The following CKAP5 variants were observed in gnomAD, a reference collection of about 807,000 sequenced individuals.
The protein encoded by CKAP5 is cytoskeleton associated protein 5, also known as cytoskeleton-associated protein 5.
A neutral mutation model predicts 232.8 loss-of-function variants in CKAP5; 27 were observed. The observed-to-expected ratio is 0.12, with a 90% CI of 0.09 to 0.16. The LOEUF is 0.16. Among genes scored for constraint, CKAP5 ranks in the 10% least tolerant of loss-of-function variants. The pLI, the probability that CKAP5 is intolerant of heterozygous loss-of-function variation, is 1.00. For synonymous variants in CKAP5, 785 were observed against 841.1 expected (o/e 0.93, Z 1.16); for missense variants, 1,838 against 2,424.7 (o/e 0.76, Z 5.08).
At chr11:46,767,508 A>T (rs2065212201) in intron 27 of CKAP5, 67 bp downstream of exon 27, 4 of 959,098 alleles carry the variant, frequency 4.2e-6, no homozygotes, top group Non-Finnish European at 6.5e-6. Context: ...CCTTCCTAAT[A>T]GAATGACTCA....
rs765592144 is a variant in CKAP5, at chr11:46,760,764, G to A, written c.4242C>T (p.Ser1414=). 3 of 1,613,792 alleles carry A rather than the reference G, an allele frequency of 1.9e-6. No individual in the cohort carries two copies. In the Admixed American group the frequency reaches 5.0e-5, roughly 27 times the overall value. The part of the protein sequence containing the change: ...LIGNLSEKDM[S]MLEERIKRSA... ...ACCGCTTAATCCTCTCCTCGAGCAT[G>A]CTCATATCCTTTTCAGAAAGCTGTA... Residue 1414 remains serine, a synonymous_variant, in exon 33 of 44, where the codon AGC becomes AGT. Coordinates refer to ENST00000529230, the MANE Select transcript of CKAP5 (RefSeq NM_001008938.4).
rs970099392 is a variant in CKAP5 at position 46,743,927 on chromosome 11, G to A, written c.*96C>T. Reference sequence around the variant, plus strand: ...CTCCACGGCATGATACATACAACCAGTTTGTATACACTAGGCCTGCTGAGG... The same window carrying A: ...CTCCACGGCATGATACATACAACCAATTTGTATACACTAGGCCTGCTGAGG... On this transcript the variant is annotated 3_prime_UTR_variant, in exon 44 of 44. Coordinates refer to ENST00000529230, the MANE Select transcript of CKAP5 (RefSeq NM_001008938.4). 4 of 1,499,094 alleles carry A rather than the reference G, an allele frequency of 2.7e-6. No individual in the cohort carries two copies. In the African/African-American group the frequency reaches 5.5e-5, roughly 21 times the overall value. 92.9% of individuals were successfully genotyped at this position (1,499,094 alleles called of 1,614,324 possible). A position where few individuals can be genotyped will look rare whatever the true frequency, so the allele number is the denominator to read the frequency against.
At chr11:46,790,441 A>G in intron 14 of CKAP5, 29 bp downstream of exon 14, 1 of 1,505,728 alleles carries the variant, frequency 6.6e-7, no homozygotes, top group East Asian at 2.3e-5. Context: ...AGGGTTCATG[A>G]TTTTCAGGCT....
At chr11:46,830,034 G>T (rs1939744398) in intron 1 of CKAP5, among the ~76,000 whole-genome samples, 1 of 152,054 alleles carries the variant, frequency 6.6e-6, no homozygotes, top group Non-Finnish European at 1.5e-5. Flanking sequence ...GAGATGGGGG[G>T]ATTACCCTGG....
At chr11:46,805,704 G>A (rs984328399) in intron 8 of CKAP5, among the ~76,000 whole-genome samples, 1 of 152,210 alleles carries the variant, frequency 6.6e-6, no homozygotes. Flanking sequence ...GGGAGGCCAA[G>A]GAGGGTAGAT....
chr11:46,743,110 G>A lies in CKAP5; in HGVS notation c.*913C>T, dbSNP rs1326738221. The A allele has an allele frequency of 6.6e-6, 1 of 152,176 alleles. No homozygotes were observed. The highest frequency in any genetic ancestry group is 1.5e-5 in the Non-Finnish European group (1 of 68,050). 9.4% of individuals were successfully genotyped at this position (152,176 alleles called of 1,614,324 possible). A position where few individuals can be genotyped will look rare whatever the true frequency, so the allele number is the denominator to read the frequency against. On this transcript the variant is annotated 3_prime_UTR_variant, in exon 44 of 44. Coordinates refer to ENST00000529230, the MANE Select transcript of CKAP5 (RefSeq NM_001008938.4). ...GACCAAAAGAGACTCATACAACCAA[G>A]CAGCAAACCACTAAGATTTCCCAAA... is the stretch of plus-strand genomic sequence containing the variant.
intron 1 of CKAP5, among the ~76,000 whole-genome samples, chr11:46,845,641 G>A (rs1293984040): frequency 6.6e-6 from 1 of 152,178 alleles, no homozygotes; most frequent in Non-Finnish European, 1.5e-5. Flanking sequence ...AAGGACACCA[G>A]AACGCTCCCG....
chr11:46,827,038 G>A (rs1939675383), intron 1 of CKAP5, among the ~76,000 whole-genome samples: 1 of 152,152 alleles, frequency 6.6e-6, no homozygotes, highest in African/African-American at 2.4e-5. Context: ...GCTTTCCCAG[G>A]CAAGAGGCAA....
chr11:46,764,420 T>C (rs998519915), intron 28 of CKAP5, among the ~76,000 whole-genome samples: 2 of 152,122 alleles, frequency 1.3e-5, no homozygotes. Context: ...ATACATACAA[T>C]GCACCAATAC....
intron 42 of CKAP5, among the ~76,000 whole-genome samples, chr11:46,749,728 C>T (rs557087142): frequency 8.6e-5 from 13 of 151,228 alleles, no homozygotes; most frequent in African/African-American, 3.2e-4. Context: ...CTGAGGCGGG[C>T]GGATCACCTG....
At chr11:46,796,234 T>G (rs2134648244) in intron 12 of CKAP5, among the ~76,000 whole-genome samples, 1 of 151,382 alleles carries the variant, frequency 6.6e-6, no homozygotes, top group African/African-American at 2.4e-5. Flanking sequence ...ATAAATTATC[T>G]ACACTTTTTT....
chr11:46,750,010 A>T (rs1371066993), intron 42 of CKAP5, among the ~76,000 whole-genome samples: 2 of 152,140 alleles, frequency 1.3e-5, no homozygotes, highest in Admixed American at 1.3e-4. Context: ...AGACTGGAGG[A>T]AAACAAGACA....
Position 46,818,390 on chromosome 11 carries a change from G to A in CKAP5, c.171C>T (p.Val57=). The change falls in exon 3 of 44, where the codon GTC becomes GTT. Residue 57 remains valine (V), a synonymous_variant. Transcript: ENST00000529230. ...SKFLGLIKKF[V]TDSNAVVQLK... ...ATTGAACCACTGCATTGGAATCAGT[G>A]ACAAATTTTTTGATCAATCCTAAAA... 6.2e-7 allele frequency: 1 copy of A among 1,612,074 alleles called. No homozygotes were observed. Among genetic ancestry groups the A allele is most frequent in the Non-Finnish European group, 8.5e-7 (1 of 1,179,226 alleles).
At chr11:46,814,996 G>A (rs945280409) in intron 4 of CKAP5, among the ~76,000 whole-genome samples, 1 of 152,080 alleles carries the variant, frequency 6.6e-6, no homozygotes, top group South Asian at 2.1e-4. Context: ...TCCAACAAAA[G>A]GCCAGTACTT....
chr11:46,816,173 T>C (rs1939395187), intron 4 of CKAP5, 25 bp downstream of exon 4: 1 of 1,597,050 alleles, frequency 6.3e-7, no homozygotes, highest in Admixed American at 1.7e-5. Context: ...CTGCTCTAGT[T>C]AACAAAGCTA....
In CKAP5 at chr11:46,770,031, G is replaced by A. The variant is rs1029877796; in HGVS notation, c.3254C>T (p.Ala1085Val). The A allele has an allele frequency of 1.2e-6, 2 of 1,613,984 alleles. No homozygotes were observed. The highest frequency in any genetic ancestry group is 1.7e-6 in the Non-Finnish European group (2 of 1,179,946). The stretch of plus-strand genomic sequence containing the variant: ...TTTAGAAGTTGCTTTAGTGGGTGGA[G>A]CAGGCTTGGCTGGCATGTTAACTTT... Reference protein sequence around the residue: ...KAKVNMPAKPAPPTKATSKPM... With the variant: ...KAKVNMPAKPVPPTKATSKPM... Residue 1085 changes from alanine to valine, a missense_variant, in exon 26 of 44, where the codon GCT becomes GTT. Physicochemically the swap from Ala to Val is moderately conservative, Grantham distance 64. Transcript: ENST00000529230.
At chr11:46,777,061 TC>T (rs2065297679) in intron 23 of CKAP5, among the ~76,000 whole-genome samples, 1 of 152,182 alleles carries the variant, frequency 6.6e-6, no homozygotes, top group Non-Finnish European at 1.5e-5. Flanking sequence ...ACATATTTAT[TC>T]ACTATAGCAA....
At chr11:46,770,282 G>T in intron 25 of CKAP5, 184 bp from the exon 26 acceptor site, 2 of 629,590 alleles carry the variant, frequency 3.2e-6, no homozygotes, top group South Asian at 3.9e-5. Context: ...ACTAAGGTAG[G>T]TATCATTCTA....
At chr11:46,790,052 A>C in intron 15 of CKAP5, 24 bp downstream of exon 15, 1 of 1,455,936 alleles carries the variant, frequency 6.9e-7, no homozygotes, top group Non-Finnish European at 9.5e-7. Flanking sequence ...TTTCTTTCAC[A>C]CTCAATTCTT....
Sources: allele counts gnomAD v4.1 joint callset (sites outside exome capture counted in the v4.1 genomes callset), GRCh38; gene constraint gnomAD v4.1.1; transcripts MANE v1.5; gene names NCBI Gene and HGNC (gene_info 2026-07-23, HGNC 2026-07-21).